NCKAP5: variants seen among roughly 807,000 people sequenced by gnomAD.
NCKAP5 encodes the protein nck-associated protein 5.
In NCKAP5, 92 loss-of-function variants were observed where a neutral mutation model predicts 167.0. The ratio of observed to expected loss-of-function variants is 0.55; its 90% CI spans 0.47 to 0.66. The LOEUF is 0.66. Among genes scored for constraint, NCKAP5 ranks in the 30% least tolerant of loss-of-function variants. The pLI, the probability that NCKAP5 is intolerant of heterozygous loss-of-function variation, is 0.00. For synonymous variants in NCKAP5, 891 were observed against 877.4 expected (o/e 1.02, Z -0.27); for missense variants, 2,378 against 2,315.0 (o/e 1.03, Z -0.56).
Position 133,176,984 on chromosome 2 carries a change from G to A in NCKAP5, c.207+36732C>T, listed in dbSNP as rs190843288. Among the ~76,000 whole-genome samples the A allele has an allele frequency of 6.0e-3, 905 of 151,948 alleles. 5 individuals are homozygous for A. Among genetic ancestry groups the A allele is most frequent in the African/African-American group, 0.02 (847 of 41,436 alleles). On this transcript the variant is annotated intron_variant, in intron 5 of 19. Transcript: ENST00000409261. ...AAGCTAAAAATGTGTTATTACATAA[G>A]CCCTCACTAATAAAGTTAAGAAATC...
chr2:133,144,202 C>T (rs1364320108), intron 5 of NCKAP5, among the ~76,000 whole-genome samples: 1 of 151,956 alleles, frequency 6.6e-6, no homozygotes, highest in African/African-American at 2.4e-5. Context: ...TATAAGGAAC[C>T]AGAGGGCAAA....
chr2:133,092,353 C>G (rs2081213019), intron 6 of NCKAP5, among the ~76,000 whole-genome samples: 1 of 152,118 alleles, frequency 6.6e-6, no homozygotes, highest in Admixed American at 6.5e-5. Flanking sequence ...CAGCTACAAG[C>G]TAAGGATTGC....
At chr2:132,909,554 G>A (rs1694278570) in intron 8 of NCKAP5, among the ~76,000 whole-genome samples, 2 of 152,090 alleles carry the variant, frequency 1.3e-5, no homozygotes, top group African/African-American at 4.8e-5. Flanking sequence ...TATCGACAAT[G>A]GTTCTGAGAT....
At chr2:133,073,093 A>G (rs2080474070) in intron 6 of NCKAP5, among the ~76,000 whole-genome samples, 1 of 152,190 alleles carries the variant, frequency 6.6e-6, no homozygotes. Context: ...TTTCTTGTAA[A>G]TTTCCTGGTT....
intron 4 of NCKAP5, among the ~76,000 whole-genome samples, chr2:133,255,173 G>A (rs1478266495): frequency 1.3e-5 from 2 of 152,090 alleles, no homozygotes; most frequent in Non-Finnish European, 2.9e-5. Context: ...GATACATAAA[G>A]AACTGCTGTT....
chr2:133,187,384 T>C (rs977381938), intron 5 of NCKAP5, among the ~76,000 whole-genome samples: 3 of 151,994 alleles, frequency 2.0e-5, no homozygotes, highest in African/African-American at 7.2e-5. Context: ...GACAATGCCA[T>C]TTATAATCAC....
intron 15 of NCKAP5, among the ~76,000 whole-genome samples, chr2:132,776,780 G>A (rs1482125145): frequency 6.6e-6 from 1 of 152,110 alleles, no homozygotes; most frequent in Non-Finnish European, 1.5e-5. Flanking sequence ...ATTTTTCATA[G>A]GATGAAATTT....
intron 8 of NCKAP5, among the ~76,000 whole-genome samples, chr2:132,960,185 C>T (rs574645002): frequency 2.0e-5 from 3 of 152,058 alleles, no homozygotes; most frequent in Admixed American, 2.0e-4. Flanking sequence ...GACTGTTGGC[C>T]CTGGAGGCGT....
the NCKAP5 span, among the ~76,000 whole-genome samples, chr2:133,666,696 C>G: frequency 6.6e-6 from 1 of 150,926 alleles, no homozygotes; most frequent in South Asian, 2.1e-4. Context: ...TTAAAATATT[C>G]TAAATTATAA....
chr2:132,914,474 G>C (rs1694707231), intron 8 of NCKAP5, among the ~76,000 whole-genome samples: 1 of 151,956 alleles, frequency 6.6e-6, no homozygotes, highest in Non-Finnish European at 1.5e-5. Context: ...AGTAGAAATG[G>C]ACAATTCCTG....
rs201447980 is a variant in NCKAP5, at chr2:133,303,124, C to A, written c.70-14G>T. ...GTCCATGTATTCCTGCACAAGCAGACAAAGACAGATGAAAACTCACTATGA... is the reference window on the plus strand; with the variant it reads ...GTCCATGTATTCCTGCACAAGCAGAAAAAGACAGATGAAAACTCACTATGA... On this transcript the variant is annotated splice_polypyrimidine_tract_variant and intron_variant, in intron 3 of 19. Transcript: ENST00000409261. 1 of 1,568,452 alleles carries A rather than the reference C, an allele frequency of 6.4e-7. No individual in the cohort carries two copies. The highest frequency in any genetic ancestry group is 8.7e-7 in the Non-Finnish European group (1 of 1,153,774).
intron 19 of NCKAP5, among the ~76,000 whole-genome samples, chr2:132,701,045 G>A (rs569986263): frequency 2.1e-5 from 3 of 143,972 alleles, no homozygotes; most frequent in African/African-American, 3.0e-5. Context: ...TTTAATATAA[G>A]TAATATACTT....
chr2:132,962,870 C>T (rs1485767741), intron 8 of NCKAP5, among the ~76,000 whole-genome samples: 2 of 152,282 alleles, frequency 1.3e-5, no homozygotes, highest in East Asian at 1.9e-4. Context: ...GGATTACAGG[C>T]GTGAGCCACC....
chr2:133,032,884 C>A (rs114267588), intron 6 of NCKAP5, among the ~76,000 whole-genome samples: 1 of 152,076 alleles, frequency 6.6e-6, no homozygotes, highest in Middle Eastern at 3.2e-3. Context: ...TGGGGAGAGA[C>A]AGAGCAAGCG....
At chr2:133,573,860 C>T in the NCKAP5 span, among the ~76,000 whole-genome samples, 1 of 152,170 alleles carries the variant, frequency 6.6e-6, no homozygotes, top group Non-Finnish European at 1.5e-5. Flanking sequence ...GTCCAGTTTG[C>T]CAGCTGGGGT....
intron 3 of NCKAP5, among the ~76,000 whole-genome samples, chr2:133,424,847 G>A (rs1689694032): frequency 6.6e-6 from 1 of 152,028 alleles, no homozygotes; most frequent in Non-Finnish European, 1.5e-5. Context: ...TAAGCCTAGG[G>A]GAAGGGCAAA....
chr2:133,523,631 A>T (rs1405557140), intron 2 of NCKAP5, among the ~76,000 whole-genome samples: 1 of 152,186 alleles, frequency 6.6e-6, no homozygotes, highest in East Asian at 1.9e-4. Flanking sequence ...AAGCTTTTCC[A>T]CATCTAAATT....
chr2:132,807,861 T>C (rs1685555395), intron 11 of NCKAP5, among the ~76,000 whole-genome samples: 1 of 152,176 alleles, frequency 6.6e-6, no homozygotes, highest in South Asian at 2.1e-4. Flanking sequence ...ATTTCAACTT[T>C]TCCCCATTTA....
intron 2 of NCKAP5, among the ~76,000 whole-genome samples, chr2:133,535,858 T>C (rs1207742360): frequency 6.6e-6 from 1 of 152,230 alleles, no homozygotes; most frequent in Non-Finnish European, 1.5e-5. Context: ...CATTATCTCA[T>C]TGTGGTTTGG....
Sources: gnomAD v4.1 joint callset for allele counts (sites outside exome capture counted in the v4.1 genomes callset) on GRCh38, gnomAD v4.1.1 for gene constraint, MANE v1.5 for transcripts, NCBI Gene and HGNC (gene_info 2026-07-23, HGNC 2026-07-21) for gene names.